The following AHI1 variants were observed in gnomAD, a reference collection of about 807,000 sequenced individuals.
AHI1 encodes Abelson helper integration site 1, also known as jouberin.
In AHI1, 123 loss-of-function variants were observed where a neutral mutation model predicts 149.3. That is an observed-to-expected ratio of 0.82 (90% CI 0.71 to 0.96). AHI1 has a LOEUF of 0.96. Among genes scored for constraint, AHI1 ranks in the 40% least tolerant of loss-of-function variants. The pLI, the probability that AHI1 is intolerant of heterozygous loss-of-function variation, is 0.00. For missense variants in AHI1, 1,439 were observed against 1,422.7 expected (o/e 1.01, Z -0.18); for synonymous variants, 475 against 459.8 (o/e 1.03, Z -0.42).
intron 22 of AHI1, among the ~76,000 whole-genome samples, chr6:135,400,473 A>G (rs80082323): frequency 2.0e-5 from 3 of 152,098 alleles, no homozygotes; most frequent in Non-Finnish European, 4.4e-5. Context: ...AAAAAAAAAA[A>G]GATGAAGTTT....
rs76886781 is a variant in AHI1 at position 135,465,160 on chromosome 6, T to A, written c.749+654A>T. 4.3e-3 allele frequency among the ~76,000 whole-genome samples: 661 copies of A among 152,322 alleles called. 5 individuals carry two copies. The highest frequency in any genetic ancestry group is 0.015 in the African/African-American group (634 of 41,558). On this transcript the variant is annotated intron_variant, in intron 7 of 28. Transcript: ENST00000265602. ...ACATATAAAATGTTCCCACCTCAAG[T>A]TGTTTCTCTAGAGGAGAACTGCAGG... is the stretch of plus-strand genomic sequence containing the variant.
intron 5 of AHI1, among the ~76,000 whole-genome samples, chr6:135,469,310 T>A (rs555406881): frequency 1.3e-5 from 2 of 152,266 alleles, no homozygotes; most frequent in South Asian, 2.1e-4. Flanking sequence ...AATTCAACAT[T>A]GCTTCATGTT....
At chr6:135,492,854 A>G in intron 3 of AHI1, 1 of 985,352 alleles carries the variant, frequency 1.0e-6, no homozygotes, top group Non-Finnish European at 1.2e-6. Flanking sequence ...CCATGGTTCA[A>G]CTCAGTATGT....
chr6:135,400,970 C>G (rs528874615), intron 22 of AHI1, among the ~76,000 whole-genome samples: 1 of 152,116 alleles, frequency 6.6e-6, no homozygotes, highest in Non-Finnish European at 1.5e-5. Context: ...GTTTTTTCTT[C>G]TGGGTCCTAT....
intron 24 of AHI1, among the ~76,000 whole-genome samples, chr6:135,326,341 A>G (rs1012207654): frequency 6.6e-6 from 1 of 152,188 alleles, no homozygotes; most frequent in Non-Finnish European, 1.5e-5. Flanking sequence ...CCAGCAGGAG[A>G]GGCAGTAGGA....
chr6:135,486,352 T>C (rs1437702399), intron 5 of AHI1, among the ~76,000 whole-genome samples: 2 of 152,214 alleles, frequency 1.3e-5, no homozygotes, highest in Non-Finnish European at 2.9e-5. Context: ...TGCTCACATG[T>C]ATGGTTTTAA....
At position 135,284,844 on chromosome 6, in the gene AHI1, A is replaced by T. The variant is rs1781520192; in HGVS notation, c.*801T>A. ...TTTTCTTTTAATGTCTTTGTTACTG[A>T]GACTGTTTTGAATGCGCCATATTCT... On this transcript the variant is annotated 3_prime_UTR_variant, in exon 29 of 29. Transcript: ENST00000265602. 6.6e-6 allele frequency: 1 copy of T among 152,136 alleles called. No homozygotes were observed. Among genetic ancestry groups the T allele is most frequent in the Non-Finnish European group, 1.5e-5 (1 of 68,024 alleles). The allele number at this position is 152,136 out of a possible 1,614,324, so 9.4% of individuals were successfully genotyped here.
intron 13 of AHI1, among the ~76,000 whole-genome samples, chr6:135,445,932 T>C (rs535179591): frequency 6.7e-4 from 102 of 151,950 alleles, no homozygotes; most frequent in Middle Eastern, 3.2e-3. Flanking sequence ...GGCAGACGCC[T>C]GTAGTCCCAG....
chr6:135,403,034 T>C (rs539046794), intron 22 of AHI1, among the ~76,000 whole-genome samples: 1 of 152,308 alleles, frequency 6.6e-6, no homozygotes, highest in South Asian at 2.1e-4. Context: ...AAGTCAGTTA[T>C]AAATGACTAC....
At chr6:135,494,626 A>G (rs1460527848) in intron 3 of AHI1, among the ~76,000 whole-genome samples, 1 of 152,246 alleles carries the variant, frequency 6.6e-6, no homozygotes, top group Non-Finnish European at 1.5e-5. Flanking sequence ...AACTGTTATT[A>G]CTGTCACGTG....
Position 135,463,172 on chromosome 6 carries a change from T to A in AHI1, c.884A>T (p.Asp295Val), listed in dbSNP as rs1368691324. ...MEQSTEDSMQ[D>V]DTKPKPKKTK... Reference sequence around the variant, plus strand: ...TTTTTTTGGTTTAGGTTTTGTATCATCTTGCATGCTGTCTTCTGTGCTTTG... The same window carrying A: ...TTTTTTTGGTTTAGGTTTTGTATCAACTTGCATGCTGTCTTCTGTGCTTTG... The change falls in exon 8 of 29, where the codon GAT becomes GTT. Residue 295 changes from aspartate (D) to valine (V), a missense_variant. Transcript: ENST00000265602. 1 of 1,607,074 alleles carries A rather than the reference T, an allele frequency of 6.2e-7. No individual in the cohort carries two copies. Among genetic ancestry groups the A allele is most frequent in the African/African-American group, 1.3e-5 (1 of 74,194 alleles).
chr6:135,496,695 TGA>T (rs1348120914), intron 2 of AHI1, among the ~76,000 whole-genome samples: 1 of 152,092 alleles, frequency 6.6e-6, no homozygotes, highest in African/African-American at 2.4e-5. Context: ...GAGAAAAAAC[TGA>T]GAGGCTTGAT....
In AHI1 at chr6:135,411,461, A is replaced by G; in HGVS notation, c.2848T>C (p.Cys950Arg). The G allele has an allele frequency of 6.2e-7, 1 of 1,613,632 alleles. No homozygotes were observed. The highest frequency in any genetic ancestry group is 8.5e-7 in the Non-Finnish European group (1 of 1,179,654). The part of the protein sequence containing the change: ...PGIHQSQDAL[C>R]TCPKLPHQGS... ...TGATGGGGTAGTTTTGGACAGGTACATAGGGCATCTTGACTTTGGTGTATT... is the reference window on the plus strand; with the variant it reads ...TGATGGGGTAGTTTTGGACAGGTACGTAGGGCATCTTGACTTTGGTGTATT... The change falls in exon 21 of 29, where the codon TGT becomes CGT. Residue 950 changes from cysteine (C) to arginine (R), a missense_variant. Coordinates refer to ENST00000265602, the MANE Select transcript of AHI1 (RefSeq NM_001134831.2).
intron 26 of AHI1, among the ~76,000 whole-genome samples, chr6:135,310,069 A>C (rs1484760902): frequency 6.6e-6 from 1 of 152,174 alleles, no homozygotes. Context: ...ATTTCCAATG[A>C]TTTAGTATAT....
intron 5 of AHI1, among the ~76,000 whole-genome samples, chr6:135,480,073 T>C (rs1335543993): frequency 6.6e-6 from 1 of 152,192 alleles, no homozygotes; most frequent in Non-Finnish European, 1.5e-5. Context: ...ATCTCTTTTT[T>C]TCATAAATTA....
chr6:135,449,420 T>C (rs1787751307), intron 11 of AHI1, among the ~76,000 whole-genome samples: 1 of 152,180 alleles, frequency 6.6e-6, no homozygotes, highest in South Asian at 2.1e-4. Flanking sequence ...CATTAGACCA[T>C]GACTCAAAAT....
chr6:135,424,747 C>G (rs1455591714), intron 20 of AHI1, among the ~76,000 whole-genome samples: 1 of 151,900 alleles, frequency 6.6e-6, no homozygotes, highest in Non-Finnish European at 1.5e-5. Context: ...CCACTGTGGT[C>G]TCATTCACAA....
chr6:135,490,195 A>G, intron 5 of AHI1: 1 of 725,294 alleles, frequency 1.4e-6, no homozygotes, highest in Non-Finnish European at 2.6e-6. Context: ...AAGGATAATT[A>G]TTACCATACG....
intron 23 of AHI1, among the ~76,000 whole-genome samples, chr6:135,367,153 A>C (rs1774305555): frequency 6.6e-6 from 1 of 152,054 alleles, no homozygotes; most frequent in African/African-American, 2.4e-5. Flanking sequence ...TTCTTGGCTG[A>C]TGATTGTTTT....
Sources: allele counts gnomAD v4.1 joint callset (sites outside exome capture counted in the v4.1 genomes callset), GRCh38; gene constraint gnomAD v4.1.1; transcripts MANE v1.5; gene names NCBI Gene and HGNC (gene_info 2026-07-23, HGNC 2026-07-21).